Variants in PLA2G5 observed in about 807,000 individuals in gnomAD.
PLA2G5 encodes the protein Ca2+-dependent phospholipase A2.
PLA2G5 carries 12 observed loss-of-function variants against 15.9 expected under a neutral mutation model. The ratio of observed to expected loss-of-function variants is 0.76; its 90% confidence interval spans 0.48 to 1.23. The LOEUF is 1.23. PLA2G5 is among the 50% of genes most tolerant of loss of function. The probability of loss-of-function intolerance (pLI) is 0.00; values close to 1 mark genes in which losing one functional copy is unlikely to be tolerated. For synonymous variants in PLA2G5, 71 were observed against 71.4 expected (o/e 0.99, Z 0.03); for missense variants, 169 against 177.1 (o/e 0.95, Z 0.26).
intron 1 of PLA2G5, among the ~76,000 whole-genome samples, chr1:20,038,161 C>A (rs1375331961): frequency 6.6e-6 from 1 of 152,058 alleles, no homozygotes; most frequent in African/African-American, 2.4e-5. Context: ...GATTTTGCCC[C>A]AGGTTACAAG....
At chr1:20,072,199 C>T (rs937349302) in intron 1 of PLA2G5, among the ~76,000 whole-genome samples, 8 of 152,156 alleles carry the variant, frequency 5.3e-5, no homozygotes, top group African/African-American at 1.9e-4. Flanking sequence ...CTGCTCCCTG[C>T]TTTATTTTTC....
intron 3 of PLA2G5, 128 bp from the exon 4 acceptor site, chr1:20,089,661 C>A (rs2016466646): frequency 2.9e-6 from 2 of 685,018 alleles, no homozygotes; most frequent in Admixed American, 4.4e-5. Flanking sequence ...CTACCAGATC[C>A]TCCCTGCCAC....
At chr1:20,072,687 G>C (rs719542) in intron 1 of PLA2G5, among the ~76,000 whole-genome samples, 51,284 of 152,018 alleles carry the variant, frequency 0.34, 9,625 homozygotes, top group Middle Eastern at 0.44. Flanking sequence ...TGTGCTATGT[G>C]CTGTTACAGA....
intron 1 of PLA2G5, among the ~76,000 whole-genome samples, chr1:20,043,376 A>T (rs2013722373): frequency 6.6e-6 from 1 of 152,216 alleles, no homozygotes; most frequent in Non-Finnish European, 1.5e-5. Context: ...ATGCTGTAAC[A>T]GGCAATTGAT....
In PLA2G5 at chr1:20,084,130, C is replaced by T. The variant is rs370337343; in HGVS notation, c.-10-691C>T. Among the ~76,000 whole-genome samples the T allele has an allele frequency of 3.0e-3, 450 of 152,050 alleles. 16 individuals carry two copies. The highest frequency in any genetic ancestry group is 0.01 in the African/African-American group (430 of 41,374). On this transcript the variant is annotated intron_variant, in intron 1 of 4. Coordinates refer to ENST00000375108, the MANE Select transcript of PLA2G5 (RefSeq NM_000929.3). ...AAAGATGCCTACAAAGGCAAAAGCGCTTGGGGCCCATAAGAGCCATAATCA... is the reference window on the plus strand; with the variant it reads ...AAAGATGCCTACAAAGGCAAAAGCGTTTGGGGCCCATAAGAGCCATAATCA...
intron 1 of PLA2G5, among the ~76,000 whole-genome samples, chr1:20,072,044 G>T (rs898790250): frequency 2.6e-5 from 4 of 152,098 alleles, no homozygotes; most frequent in Non-Finnish European, 1.5e-5. Flanking sequence ...GGTGGCGGAG[G>T]TTGCAGTGAG....
chr1:20,076,333 C>T (rs925094324), intron 1 of PLA2G5, among the ~76,000 whole-genome samples: 6 of 152,114 alleles, frequency 3.9e-5, no homozygotes, highest in South Asian at 2.1e-4. Context: ...TTCCACTCAT[C>T]GGCAATTATT....
intron 1 of PLA2G5, among the ~76,000 whole-genome samples, chr1:20,047,162 A>C (rs1351643618): frequency 6.6e-6 from 1 of 152,104 alleles, no homozygotes; most frequent in Non-Finnish European, 1.5e-5. Context: ...CATCCAGGAA[A>C]CTCATATAAG....
At chr1:20,053,186 G>A (rs559158074) in intron 1 of PLA2G5, among the ~76,000 whole-genome samples, 34 of 152,048 alleles carry the variant, frequency 2.2e-4, no homozygotes, top group Non-Finnish European at 4.1e-4. Flanking sequence ...CAGATATTCA[G>A]GTTTCACAAT....
intron 1 of PLA2G5, among the ~76,000 whole-genome samples, chr1:20,057,788 C>A (rs115183084): frequency 6.6e-6 from 1 of 152,136 alleles, no homozygotes; most frequent in South Asian, 2.1e-4. Flanking sequence ...CATGAGCCAC[C>A]GCACCCTACT....
upstream of PLA2G5, chr1:20,069,024 G>A: frequency 1.0e-6 from 1 of 963,304 alleles, no homozygotes; most frequent in Non-Finnish European, 1.4e-6. Flanking sequence ...AAATCCAAAT[G>A]GCCATAAGGT....
chr1:20,079,132 A>G (rs948775771), intron 1 of PLA2G5, among the ~76,000 whole-genome samples: 1 of 151,804 alleles, frequency 6.6e-6, no homozygotes, highest in South Asian at 2.1e-4. Context: ...AAAAAAAAAA[A>G]AAATCCAAGT....
Position 20,038,554 on chromosome 1 carries a change from C to T in PLA2G5, n.276+9845C>T, listed in dbSNP as rs578129349. 2.0e-5 allele frequency among the ~76,000 whole-genome samples: 3 copies of T among 152,222 alleles called. No individual in the cohort carries two copies. In the South Asian group the frequency reaches 6.2e-4, roughly 32 times the overall value. On this transcript the variant is annotated intron_variant and non_coding_transcript_variant, in intron 1 of 6. Coordinates refer to the PLA2G5 transcript ENST00000460175. ...TCTGTAATCCCAGCACTTTGAGAGG[C>T]CAAGGCAGGAGGATTGCTTGAGTCC... is the stretch of plus-strand genomic sequence containing the variant.
At chr1:20,051,024 A>T (rs2014155119) in intron 1 of PLA2G5, among the ~76,000 whole-genome samples, 1 of 152,114 alleles carries the variant, frequency 6.6e-6, no homozygotes, top group Non-Finnish European at 1.5e-5. Flanking sequence ...ATCATGGGAA[A>T]CTTCTATAAT....
intron 1 of PLA2G5, among the ~76,000 whole-genome samples, chr1:20,045,736 G>A (rs1352429187): frequency 2.6e-5 from 4 of 152,154 alleles, no homozygotes; most frequent in African/African-American, 9.7e-5. Context: ...GAGGACAGGG[G>A]ATTGATCTCC....
At chr1:20,084,302 A>G (rs660414) in intron 1 of PLA2G5, among the ~76,000 whole-genome samples, 33,523 of 152,082 alleles carry the variant, frequency 0.22, 4,275 homozygotes, top group African/African-American at 0.34. Context: ...AGACATCCTT[A>G]AAAACAGGCA....
chr1:20,069,576 G>A (rs563716937), upstream of PLA2G5, among the ~76,000 whole-genome samples: 24 of 151,970 alleles, frequency 1.6e-4, no homozygotes, highest in Non-Finnish European at 3.4e-4. Context: ...TGGGAGGATC[G>A]CTGAAGCCCA....
At chr1:20,044,369 T>TGG (rs140128388) in intron 1 of PLA2G5, among the ~76,000 whole-genome samples, 2 of 150,294 alleles carry the variant, frequency 1.3e-5, no homozygotes, top group African/African-American at 5.0e-5. Flanking sequence ...ATTCCTGTTG[T>TGG]GGGGGGGGTT....
chr1:20,047,456 GC>G (rs2013966317), intron 1 of PLA2G5, among the ~76,000 whole-genome samples: 1 of 152,114 alleles, frequency 6.6e-6, no homozygotes, highest in African/African-American at 2.4e-5. Context: ...ATCTCTACTT[GC>G]CAGAGTTTAT....
Sources: allele counts gnomAD v4.1 joint callset (sites outside exome capture counted in the v4.1 genomes callset), GRCh38; gene constraint gnomAD v4.1.1; transcripts MANE v1.5; gene names NCBI Gene and HGNC (gene_info 2026-07-23, HGNC 2026-07-21).